The following MTO1 variants were observed in gnomAD, a reference collection of about 807,000 sequenced individuals.
MTO1 encodes the protein 5-taurinomethyluridine-[tRNA] synthase subunit MTO1, mitochondrial.
Under a neutral mutation model 71.6 loss-of-function variants are expected in MTO1, and 46 were observed. That is an observed-to-expected ratio of 0.64 (90% CI 0.51 to 0.82). The LOEUF (loss-of-function observed/expected upper bound fraction) is 0.82, where lower values mean the gene tolerates loss of function less well. Ranked by LOEUF, MTO1 falls within the 40% of genes least tolerant of loss-of-function variation. The pLI is 0.00. For synonymous variants in MTO1, 297 were observed against 312.1 expected, an observed-to-expected ratio of 0.95 and a Z score of 0.51; for missense variants, 773 against 867.5, an observed-to-expected ratio of 0.89 and a Z score of 1.37.
chr6:73,477,182 G>T (rs1269473982), intron 4 of MTO1, among the ~76,000 whole-genome samples: 7 of 151,344 alleles, frequency 4.6e-5, no homozygotes, highest in Non-Finnish European at 8.8e-5. Context: ...GATCACTTGA[G>T]GTCAGGAGTT....
chr6:73,465,688 A>G (rs984202938), intron 1 of MTO1, among the ~76,000 whole-genome samples: 1 of 152,026 alleles, frequency 6.6e-6, no homozygotes, highest in Non-Finnish European at 1.5e-5. Flanking sequence ...CAAGGAAGAG[A>G]TTCAAAAGAA....
At chr6:73,463,804 G>C (rs532792128) in intron 1 of MTO1, among the ~76,000 whole-genome samples, 1 of 151,858 alleles carries the variant, frequency 6.6e-6, no homozygotes, top group Non-Finnish European at 1.5e-5. Context: ...GCAGTGGCGC[G>C]ATCTTGGCTC....
At position 73,480,038 on chromosome 6, in the gene MTO1, G is replaced by T; in HGVS notation, c.1041G>T (p.Gln347His). The change falls in exon 6 of 12, where the codon CAG (glutamine) becomes CAT (histidine). Residue 347 changes from glutamine (Q) to histidine (H), a missense_variant. Gln to His is a conservative substitution (Grantham distance 24). Transcript: ENST00000498286. ...TGGATTCTGACCTTATCTACCCACA[G>T]GGGTTATCTATGACGCTACCAGCTG... ...EGMDSDLIYP[Q>H]GLSMTLPAEL... is the part of the protein sequence containing the mutation. The T allele has an allele frequency of 6.2e-7, 1 of 1,614,146 alleles. No individual in the cohort carries two copies. The highest frequency in any genetic ancestry group is 8.5e-7 in the Non-Finnish European group (1 of 1,180,006).
At chr6:73,484,573 T>C (rs908532216) in intron 9 of MTO1, among the ~76,000 whole-genome samples, 1 of 152,056 alleles carries the variant, frequency 6.6e-6, no homozygotes, top group African/African-American at 2.4e-5. Flanking sequence ...ACATAAGAAT[T>C]TAAGTGGGGG....
At position 73,473,411 on chromosome 6, in the gene MTO1, G is replaced by A; in HGVS notation, c.582G>A (p.Gly194=). 1 of 1,614,128 alleles carries A rather than the reference G, an allele frequency of 6.2e-7. No homozygotes were observed. Among genetic ancestry groups the A allele is most frequent in the Non-Finnish European group, 8.5e-7 (1 of 1,180,024 alleles). ...CAGAGAGTGTGATTCTGACTACTGG[G>A]ACATTTCTGAGAGGCATGATTGTAA... ...VYAESVILTT[G]TFLRGMIVIG... is the part of the protein sequence containing the mutation. Residue 194 remains glycine (G), a synonymous_variant, in exon 4 of 12, where the codon GGG becomes GGA. Coordinates refer to ENST00000498286, the MANE Select transcript of MTO1 (RefSeq NM_012123.4).
Position 73,462,091 on chromosome 6 carries a change from T to G in MTO1, c.217+20T>G. ...CGATCGGTGAGGAGCGCGGGTGCTG[T>G]GGAACTTGGCGTAGGACGCAGGCTG... On this transcript the variant is annotated intron_variant, in intron 1 of 11. Coordinates refer to ENST00000498286, the MANE Select transcript of MTO1 (RefSeq NM_012123.4). The G allele has an allele frequency of 1.9e-6, 3 of 1,609,694 alleles. No homozygotes were observed. In the Admixed American group the frequency reaches 5.0e-5, roughly 27 times the overall value.
Position 73,502,208 on chromosome 6 carries a change from C to G in MTO1, c.*1473C>G, listed in dbSNP as rs1772178502. 1 of 152,192 alleles carries G rather than the reference C, an allele frequency of 6.6e-6. No homozygotes were observed. Among genetic ancestry groups the G allele is most frequent in the African/African-American group, 2.4e-5 (1 of 41,446 alleles). The allele number at this position is 152,192 out of a possible 1,614,324, so 9.4% of individuals were successfully genotyped here. On this transcript the variant is annotated 3_prime_UTR_variant, in exon 12 of 12. Coordinates refer to ENST00000498286, the MANE Select transcript of MTO1 (RefSeq NM_012123.4). ...CCTGTAATCCCAGCACTTTGGGAGG[C>G]TGAGGCGGGTGGATAACCTGAAGTC... is the stretch of plus-strand genomic sequence containing the variant.
At chr6:73,492,191 T>G in intron 9 of MTO1, 43 bp from the exon 10 acceptor site, 1 of 1,230,652 alleles carries the variant, frequency 8.1e-7, no homozygotes, top group South Asian at 1.2e-5. Context: ...CTGCCTTATA[T>G]GACATGGATC....
Position 73,466,218 on chromosome 6 carries a change from C to T in MTO1, c.227C>T (p.Ser76Leu). ...THRVDTIGQM[S>L]CNPSFGGIGK... is the part of the protein sequence containing the mutation. ...TGTCTATTATCTTTAGGTCAGATGT[C>T]ATGTAATCCTTCCTTTGGTGGCATC... The change falls in exon 2 of 12, where the codon TCA (serine) becomes TTA (leucine). Residue 76 changes from serine (S) to leucine (L), a missense_variant. By Grantham distance (145) the Ser-to-Leu change is moderately radical. Transcript: ENST00000498286. The T allele has an allele frequency of 6.2e-7, 1 of 1,612,580 alleles. No homozygotes were observed. Among genetic ancestry groups the T allele is most frequent in the Non-Finnish European group, 8.5e-7 (1 of 1,178,648 alleles).
Position 73,482,164 on chromosome 6 carries a change from C to T in MTO1, c.1385C>T (p.Pro462Leu), listed in dbSNP as rs1164230712. Residue 462 changes from proline (P) to leucine (L), a missense_variant, in exon 8 of 12, where the codon CCA (proline) becomes CTA (leucine). Coordinates refer to ENST00000498286, the MANE Select transcript of MTO1 (RefSeq NM_012123.4). ...CTCACTACTCTGGGCACCAGTGAACCATACCGCATGTTTACCAGCCGAGTA... is the reference window on the plus strand; with the variant it reads ...CTCACTACTCTGGGCACCAGTGAACTATACCGCATGTTTACCAGCCGAGTA... ...DDLTTLGTSE[P>L]YRMFTSRVEF... 2 of 1,614,150 alleles carry T rather than the reference C, an allele frequency of 1.2e-6. No individual in the cohort carries two copies. Among genetic ancestry groups the T allele is most frequent in the Non-Finnish European group, 1.7e-6 (2 of 1,180,034 alleles).
chr6:73,498,038 AC>A, intron 11 of MTO1, 142 bp downstream of exon 11: 1 of 746,258 alleles, frequency 1.3e-6, no homozygotes, highest in Non-Finnish European at 2.0e-6. Flanking sequence ...ACACAGCAAG[AC>A]CCCATCTCTA....
chr6:73,465,971 G>A (rs568991398), intron 1 of MTO1, among the ~76,000 whole-genome samples: 1 of 152,260 alleles, frequency 6.6e-6, no homozygotes, highest in East Asian at 1.9e-4. Flanking sequence ...GTGACAGAGT[G>A]AGACTCCATC....
chr6:73,492,994 A>T (rs200065238), intron 10 of MTO1, among the ~76,000 whole-genome samples: 151 of 66,530 alleles, frequency 2.3e-3, no homozygotes, highest in Middle Eastern at 8.3e-3. Context: ...GTGTGTGTGT[A>T]TTTTTTTTTT....
chr6:73,479,329 T>A (rs1283841616), intron 4 of MTO1, among the ~76,000 whole-genome samples: 1 of 151,910 alleles, frequency 6.6e-6, no homozygotes, highest in Non-Finnish European at 1.5e-5. Context: ...ACTCTGTCTC[T>A]ACCAAAAATA....
chr6:73,492,836 A>G (rs1451543291), intron 10 of MTO1: 1 of 152,760 alleles, frequency 6.5e-6, no homozygotes, highest in Non-Finnish European at 1.5e-5. Context: ...AAAAAAGGAA[A>G]TACAGACCCT....
intron 10 of MTO1, 123 bp downstream of exon 10, chr6:73,492,475 C>T: frequency 1.5e-6 from 1 of 656,584 alleles, no homozygotes; most frequent in East Asian, 2.9e-5. Flanking sequence ...AAAGTGTGGT[C>T]CTCAGCTAAG....
intron 9 of MTO1, among the ~76,000 whole-genome samples, chr6:73,491,056 A>G (rs1342828396): frequency 1.3e-5 from 2 of 152,182 alleles, no homozygotes; most frequent in African/African-American, 4.8e-5. Context: ...ATACTTAGGC[A>G]TGTTCTTTTG....
At chr6:73,465,494 C>G (rs1204213716) in intron 1 of MTO1, among the ~76,000 whole-genome samples, 1 of 151,800 alleles carries the variant, frequency 6.6e-6, no homozygotes, top group Non-Finnish European at 1.5e-5. Flanking sequence ...TATTTTTGTC[C>G]TTATTTATGT....
intron 4 of MTO1, among the ~76,000 whole-genome samples, chr6:73,474,054 G>A (rs2150031951): frequency 6.6e-6 from 1 of 151,558 alleles, no homozygotes. Flanking sequence ...CCAAAGTGCT[G>A]GGATTGCAGG....
Sources: gnomAD v4.1 joint callset for allele counts (sites outside exome capture counted in the v4.1 genomes callset) on GRCh38, gnomAD v4.1.1 for gene constraint, MANE v1.5 for transcripts, NCBI Gene and HGNC (gene_info 2026-07-23, HGNC 2026-07-21) for gene names.